LINGO2: variants seen among roughly 807,000 people sequenced by gnomAD.
The protein encoded by LINGO2 is leucine-rich repeat and immunoglobulin-like domain-containing nogo receptor-interacting protein 2.
LINGO2 carries 14 observed loss-of-function variants against 30.6 expected under a neutral mutation model. That is an observed-to-expected ratio of 0.46 (90% CI 0.30 to 0.72). The LOEUF is 0.72. Among genes scored for constraint, LINGO2 ranks in the 30% least tolerant of loss-of-function variants. LINGO2 has a pLI of 0.07. For synonymous variants in LINGO2, 317 were observed against 288.5 expected (o/e 1.10, Z -1.00); for missense variants, 729 against 751.7 (o/e 0.97, Z 0.35).
chr9:28,257,392 C>G (rs147679385), intron 4 of LINGO2, among the ~76,000 whole-genome samples: 2 of 151,532 alleles, frequency 1.3e-5, no homozygotes, highest in Admixed American at 6.6e-5. Flanking sequence ...CATTCCAGTC[C>G]GCAGGAGAGT....
intron 1 of LINGO2, among the ~76,000 whole-genome samples, chr9:28,541,323 A>C (rs1821686835): frequency 6.6e-6 from 1 of 152,144 alleles, no homozygotes; most frequent in Admixed American, 6.6e-5. Context: ...TTAAAAAAAC[A>C]CTTCTCTCCT....
At chr9:28,552,303 T>C (rs1360495985) in intron 1 of LINGO2, among the ~76,000 whole-genome samples, 2 of 151,942 alleles carry the variant, frequency 1.3e-5, no homozygotes, top group African/African-American at 4.8e-5. Flanking sequence ...TCTTTCTTGG[T>C]TTACCAGCTA....
chr9:29,110,770 A>C, the LINGO2 span, among the ~76,000 whole-genome samples: 1 of 151,480 alleles, frequency 6.6e-6, no homozygotes, highest in Non-Finnish European at 1.5e-5. Flanking sequence ...GGCTCACTGC[A>C]AGCTCCGCCT....
chr9:27,968,269 T>C (rs1259361739), intron 5 of LINGO2, among the ~76,000 whole-genome samples: 1 of 152,114 alleles, frequency 6.6e-6, no homozygotes, highest in Admixed American at 6.6e-5. Context: ...AGATGCACTT[T>C]ATTACATTAT....
the LINGO2 span, among the ~76,000 whole-genome samples, chr9:28,901,388 G>C: frequency 1.3e-5 from 2 of 152,112 alleles, no homozygotes; most frequent in East Asian, 3.9e-4. Context: ...AAACTCACTG[G>C]TAAAAGTAAG....
chr9:29,005,484 T>A, the LINGO2 span, among the ~76,000 whole-genome samples: 3 of 152,008 alleles, frequency 2.0e-5, no homozygotes, highest in Admixed American at 2.0e-4. Flanking sequence ...TATTTACATA[T>A]AACCTGTGCA....
At chr9:28,797,413 C>T in the LINGO2 span, among the ~76,000 whole-genome samples, 1 of 128,070 alleles carries the variant, frequency 7.8e-6, no homozygotes, top group African/African-American at 2.9e-5. Flanking sequence ...GCAGAAATCA[C>T]TCGGATGTCT....
chr9:28,822,961 T>A, the LINGO2 span, among the ~76,000 whole-genome samples: 1 of 152,210 alleles, frequency 6.6e-6, no homozygotes, highest in Non-Finnish European at 1.5e-5. Flanking sequence ...TTTATGTTAA[T>A]ACCCAGCAGC....
chr9:28,940,427 T>C, the LINGO2 span, among the ~76,000 whole-genome samples: 3 of 151,980 alleles, frequency 2.0e-5, no homozygotes, highest in African/African-American at 2.4e-5. Context: ...CACTGTTCTT[T>C]GAATCTCTAC....
At chr9:28,004,156 T>C (rs1009449050) in intron 5 of LINGO2, among the ~76,000 whole-genome samples, 8 of 152,216 alleles carry the variant, frequency 5.3e-5, no homozygotes, top group African/African-American at 1.9e-4. Flanking sequence ...CTTTTCTTGA[T>C]ACAGTGGTTT....
intron 1 of LINGO2, among the ~76,000 whole-genome samples, chr9:28,575,441 C>A (rs530648185): frequency 1.2e-4 from 18 of 150,220 alleles, no homozygotes; most frequent in South Asian, 2.1e-4. Flanking sequence ...ACAAAAAAAA[C>A]CACGTTTTCA....
chr9:28,993,170 A>C, the LINGO2 span, among the ~76,000 whole-genome samples: 1 of 152,186 alleles, frequency 6.6e-6, no homozygotes, highest in Non-Finnish European at 1.5e-5. Flanking sequence ...ACAATAAAAA[A>C]TGATAAAGGG....
the LINGO2 span, among the ~76,000 whole-genome samples, chr9:28,874,973 C>A: frequency 1.3e-5 from 2 of 152,034 alleles, no homozygotes; most frequent in Non-Finnish European, 2.9e-5. Flanking sequence ...AACCATGATG[C>A]AAGCCTAGTG....
At chr9:28,786,438 AG>A in the LINGO2 span, among the ~76,000 whole-genome samples, 6 of 152,300 alleles carry the variant, frequency 3.9e-5, no homozygotes, top group African/African-American at 1.4e-4. Flanking sequence ...TAGTTTTCCT[AG>A]CATATAAATA....
intron 1 of LINGO2, among the ~76,000 whole-genome samples, chr9:28,588,470 A>G (rs768348625): frequency 2.0e-5 from 3 of 151,926 alleles, no homozygotes; most frequent in Non-Finnish European, 4.4e-5. Flanking sequence ...ATGAAGTCCT[A>G]TACCATAAGT....
rs545465046 is a variant in LINGO2 at position 28,552,121 on chromosome 9, T to C, written c.-364-76096A>G. On this transcript the variant is annotated intron_variant, in intron 1 of 5. Coordinates refer to ENST00000379992, the Ensembl canonical transcript of LINGO2. ...TCACTTTTGTTAATACATGTAAATA[T>C]ACAAGAAATTATAAATTTACCTTGT... Among the ~76,000 whole-genome samples the C allele has an allele frequency of 1.8e-4, 28 of 152,160 alleles. No homozygotes were observed. The South Asian group carries it at 5.0e-3, about 27-fold the overall frequency.
chr9:29,060,279 G>GA, the LINGO2 span, among the ~76,000 whole-genome samples: 1 of 151,780 alleles, frequency 6.6e-6, no homozygotes, highest in African/African-American at 2.4e-5. Context: ...ATCCAAAAAA[G>GA]AAAAAAGCTA....
intron 1 of LINGO2, among the ~76,000 whole-genome samples, chr9:28,632,849 ATATT>A (rs1415240338): frequency 0.16 from 18,438 of 115,668 alleles, 2,287 homozygotes; most frequent in African/African-American, 0.32. Context: ...AAATCTATAT[ATATT>A]TTTTATATAT....
intron 4 of LINGO2, among the ~76,000 whole-genome samples, chr9:28,292,783 CTTTT>C (rs1564100713): frequency 6.9e-6 from 1 of 145,286 alleles, no homozygotes; most frequent in East Asian, 2.1e-4. Context: ...TTCTTTCTTT[CTTTT>C]TGAGATGGAA....
Sources: gnomAD v4.1 joint callset for allele counts (sites outside exome capture counted in the v4.1 genomes callset) on GRCh38, gnomAD v4.1.1 for gene constraint, MANE v1.5 for transcripts, NCBI Gene and HGNC (gene_info 2026-07-23, HGNC 2026-07-21) for gene names.